The following IL26 variants were observed in gnomAD, a reference collection of about 807,000 sequenced individuals.
IL26 encodes interleukin 26.
In IL26, 23 loss-of-function variants were observed where a neutral mutation model predicts 21.7. The observed-to-expected ratio is 1.06, with a 90% CI of 0.76 to 1.50. The LOEUF is 1.50. Ranked by LOEUF, IL26 falls within the 40% of genes most tolerant of loss-of-function variation. The probability of loss-of-function intolerance (pLI) is 0.00; values close to 1 mark genes in which losing one functional copy is unlikely to be tolerated. For missense variants in IL26, 204 were observed against 196.0 expected (o/e 1.04, Z -0.24); for synonymous variants, 63 against 67.8 (o/e 0.93, Z 0.34).
intron 3 of IL26, among the ~76,000 whole-genome samples, chr12:68,223,474 G>A (rs1869121593): frequency 6.6e-6 from 1 of 152,082 alleles, no homozygotes; most frequent in Admixed American, 6.5e-5. Flanking sequence ...AATATTGTTC[G>A]TTTTAGGTTA....
At chr12:68,202,671 A>C (rs187421269) in intron 3 of IL26, among the ~76,000 whole-genome samples, 1 of 152,160 alleles carries the variant, frequency 6.6e-6, no homozygotes, top group Non-Finnish European at 1.5e-5. Flanking sequence ...AACCTCCCCC[A>C]TGATCCAATC....
chr12:68,205,177 C>T (rs995772912), intron 3 of IL26, among the ~76,000 whole-genome samples: 7 of 152,162 alleles, frequency 4.6e-5, no homozygotes, highest in Non-Finnish European at 8.8e-5. Flanking sequence ...TTATCACATA[C>T]TTACTATATG....
intron 3 of IL26, among the ~76,000 whole-genome samples, chr12:68,214,378 T>C (rs540349046): frequency 6.6e-6 from 1 of 152,278 alleles, no homozygotes; most frequent in African/African-American, 2.4e-5. Flanking sequence ...TTTGGTTTAA[T>C]GTGTAGTTTA....
At position 68,225,374 on chromosome 12, in the gene IL26, A is replaced by T. The variant is rs190850666; in HGVS notation, c.228+70T>A. 1.2e-3 allele frequency: 1,852 copies of T among 1,521,738 alleles called. 19 individuals carry two copies. The African/African-American group carries it at 0.022, about 18-fold the overall frequency. 94.3% of individuals were successfully genotyped at this position (1,521,738 alleles called of 1,614,324 possible). The stretch of plus-strand genomic sequence containing the variant: ...ATTACTTAATTACTCTCTGAAAAAA[A>T]TTTAAATGCAGGGGGAAATAAACAT... On this transcript the variant is annotated intron_variant, in intron 2 of 4. Transcript: ENST00000229134.
chr12:68,222,952 GC>G (rs1389479136), intron 3 of IL26, among the ~76,000 whole-genome samples: 1 of 152,158 alleles, frequency 6.6e-6, no homozygotes, highest in Admixed American at 6.5e-5. Flanking sequence ...TGTCTGCTAA[GC>G]CCTCTCCCAA....
intron 3 of IL26, among the ~76,000 whole-genome samples, chr12:68,222,436 A>G (rs1869079611): frequency 6.6e-6 from 1 of 152,206 alleles, no homozygotes; most frequent in Non-Finnish European, 1.5e-5. Flanking sequence ...GCTGTTCAGA[A>G]CACAGACAGC....
In IL26 at chr12:68,225,453, C is replaced by G. The variant is rs781449971; in HGVS notation, c.219G>C (p.Lys73Asn). 1.3e-6 allele frequency: 2 copies of G among 1,580,872 alleles called. No homozygotes were observed. Among genetic ancestry groups the G allele is most frequent in the East Asian group, 2.2e-5 (1 of 44,646 alleles). The change falls in exon 2 of 5, where the codon AAG (lysine) becomes AAC (asparagine). Residue 73 changes from lysine to asparagine, a missense_variant. Lys to Asn is a moderately conservative substitution (Grantham distance 94, BLOSUM62 0). Coordinates refer to ENST00000229134, the MANE Select transcript of IL26 (RefSeq NM_018402.2). ...NIRLLKKKTK[K>N]QFMKNCQFQE... ...AGACTTTCTGACTTACCATAAACTG[C>G]TTTTTTGTTTTCTTTTTTAATAATC...
At chr12:68,223,884 G>GTTTTTTTTTTTTTTTTTTTTTTGTTT (rs376115904) in intron 3 of IL26, among the ~76,000 whole-genome samples, 2 of 132,270 alleles carry the variant, frequency 1.5e-5, no homozygotes, top group Non-Finnish European at 3.2e-5. Flanking sequence ...AAATTTGGTG[G>GTTTTTTTTTTTTTTTTTTTTTTGTTT]TTTTTTTTTT....
intron 3 of IL26, among the ~76,000 whole-genome samples, chr12:68,220,387 T>A (rs904320609): frequency 6.6e-6 from 1 of 152,132 alleles, no homozygotes; most frequent in Admixed American, 6.5e-5. Context: ...GCAAGATTGG[T>A]TTAACTTTGA....
intron 3 of IL26, among the ~76,000 whole-genome samples, chr12:68,218,725 C>A (rs575902523): frequency 5.4e-4 from 82 of 151,976 alleles, no homozygotes; most frequent in African/African-American, 1.8e-3. Context: ...ATACAAGATT[C>A]CCAATCAACT....
intron 3 of IL26, among the ~76,000 whole-genome samples, chr12:68,212,477 G>T (rs1043745531): frequency 1.3e-5 from 2 of 152,006 alleles, no homozygotes; most frequent in African/African-American, 4.8e-5. Flanking sequence ...GATAGCTTTG[G>T]GTAGTATTGA....
chr12:68,201,364 T>C lies in IL26; in HGVS notation c.*481A>G, dbSNP rs3741809. ...GGACACCCAGGAGAAGGAAACCCAA[T>C]TTATTTAATTAAAATCAAAATGTGT... On this transcript the variant is annotated 3_prime_UTR_variant, in exon 5 of 5. Transcript: ENST00000229134. 0.13 allele frequency: 20,409 copies of C among 152,638 alleles called. 2,111 individuals are homozygous for C. Among genetic ancestry groups the C allele is most frequent in the East Asian group, 0.47 (2,516 of 5,326 alleles). 9.5% of individuals were successfully genotyped at this position (152,638 alleles called of 1,614,324 possible). A position where few individuals can be genotyped will look rare whatever the true frequency, so the allele number is the denominator to read the frequency against.
intron 3 of IL26, among the ~76,000 whole-genome samples, chr12:68,217,501 C>T (rs938568250): frequency 2.0e-5 from 3 of 152,100 alleles, no homozygotes; most frequent in African/African-American, 4.8e-5. Context: ...AAGTATTTAA[C>T]CTGGCTTTCT....
chr12:68,214,281 T>C (rs1868812576), intron 3 of IL26, among the ~76,000 whole-genome samples: 1 of 152,182 alleles, frequency 6.6e-6, no homozygotes, highest in Non-Finnish European at 1.5e-5. Flanking sequence ...AATATAGTCT[T>C]TCTGGAGAAT....
Position 68,225,137 on chromosome 12 carries a change from G to T in IL26, c.363+12C>A. Reference sequence around the variant, plus strand: ...TAGGATCAAATGCACAGTATTTGTTGTGTATACTTACACAGTGGCTCAATT... The same window carrying T: ...TAGGATCAAATGCACAGTATTTGTTTTGTATACTTACACAGTGGCTCAATT... On this transcript the variant is annotated intron_variant, in intron 3 of 4. Coordinates refer to ENST00000229134, the MANE Select transcript of IL26 (RefSeq NM_018402.2). The T allele has an allele frequency of 6.2e-7, 1 of 1,601,764 alleles. No homozygotes were observed. The highest frequency in any genetic ancestry group is 8.5e-7 in the Non-Finnish European group (1 of 1,175,594).
In IL26 at chr12:68,219,676, A is replaced by C. The variant is rs73332729; in HGVS notation, c.363+5473T>G. Among the ~76,000 whole-genome samples, 1,200 of 152,010 alleles carry C rather than the reference A, an allele frequency of 7.9e-3. 13 individuals carry two copies. The highest frequency in any genetic ancestry group is 0.027 in the African/African-American group (1,138 of 41,564). On this transcript the variant is annotated intron_variant, in intron 3 of 4. Transcript: ENST00000229134. ...TAGCTTAAGAAACTAGAAGGAGCAGACTAAATATAAATTTAATAGAAGAAA... is the reference window on the plus strand; with the variant it reads ...TAGCTTAAGAAACTAGAAGGAGCAGCCTAAATATAAATTTAATAGAAGAAA...
intron 3 of IL26, among the ~76,000 whole-genome samples, chr12:68,208,791 C>T (rs1464747239): frequency 1.3e-5 from 2 of 152,156 alleles, no homozygotes; most frequent in Admixed American, 6.5e-5. Flanking sequence ...TGAGCCACCA[C>T]GCCCAGCCAG....
At chr12:68,206,940 G>A (rs138038194) in intron 3 of IL26, among the ~76,000 whole-genome samples, 167 of 152,036 alleles carry the variant, frequency 1.1e-3, no homozygotes, top group African/African-American at 4.0e-3. Context: ...ATCCTTTGAG[G>A]GCATTAAATT....
At chr12:68,218,201 G>A (rs531083537) in intron 3 of IL26, among the ~76,000 whole-genome samples, 98 of 150,592 alleles carry the variant, frequency 6.5e-4, no homozygotes, top group Non-Finnish European at 1.1e-3. Flanking sequence ...ATTACCAGCC[G>A]TGCAAAGATG....
Sources: allele counts gnomAD v4.1 joint callset (sites outside exome capture counted in the v4.1 genomes callset), GRCh38; gene constraint gnomAD v4.1.1; transcripts MANE v1.5; gene names NCBI Gene and HGNC (gene_info 2026-07-23, HGNC 2026-07-21).